The following ANK2 variants were observed in gnomAD, a reference collection of about 807,000 sequenced individuals.
ANK2 encodes ankyrin-2.
ANK2 carries 83 observed loss-of-function variants against 360.5 expected under a neutral mutation model. The observed-to-expected ratio is 0.23, with a 90% confidence interval of 0.19 to 0.28. The LOEUF is 0.28. Among genes scored for constraint, ANK2 ranks in the 10% least tolerant of loss-of-function variants. The pLI, the probability that ANK2 is intolerant of heterozygous loss-of-function variation, is 1.00. For synonymous variants in ANK2, 1,740 were observed against 1,759.5 expected (o/e 0.99, Z 0.28); for missense variants, 4,201 against 4,795.7 (o/e 0.88, Z 3.66).
intron 1 of ANK2, chr4:113,149,217 A>G (rs905193009): frequency 6.6e-6 from 1 of 152,180 alleles, no homozygotes; most frequent in African/African-American, 2.4e-5. Context: ...TGAGATTGTA[A>G]TCAGATTGAG....
chr4:112,731,876 A>T, the ANK2 span, among the ~76,000 whole-genome samples: 1 of 152,222 alleles, frequency 6.6e-6, no homozygotes. Context: ...ATCATTGCAC[A>T]CTACAGCCTT....
At chr4:113,038,617 G>A (rs2062150965) in intron 2 of ANK2, among the ~76,000 whole-genome samples, 1 of 151,922 alleles carries the variant, frequency 6.6e-6, no homozygotes, top group Non-Finnish European at 1.5e-5. Flanking sequence ...ACAAGAGGTG[G>A]CGTCGATTTC....
chr4:113,235,986 C>T (rs966828293), intron 5 of ANK2, among the ~76,000 whole-genome samples: 1 of 151,900 alleles, frequency 6.6e-6, no homozygotes, highest in East Asian at 1.9e-4. Context: ...GATCTGCCCG[C>T]CTCGGCCTCC....
intron 5 of ANK2, among the ~76,000 whole-genome samples, chr4:113,235,753 T>G (rs1239261743): frequency 7.2e-6 from 1 of 139,082 alleles, no homozygotes; most frequent in Non-Finnish European, 1.6e-5. Flanking sequence ...CAGTCTTTCT[T>G]TTTTTTGAGA....
chr4:113,009,976 GC>G (rs746025053), intron 2 of ANK2, among the ~76,000 whole-genome samples: 3 of 147,258 alleles, frequency 2.0e-5, no homozygotes, highest in Non-Finnish European at 4.4e-5. Flanking sequence ...GGTATAATAT[GC>G]CAGCACTTTG....
intron 1 of ANK2, among the ~76,000 whole-genome samples, chr4:113,061,047 A>T (rs1203427870): frequency 6.6e-6 from 1 of 152,124 alleles, no homozygotes; most frequent in East Asian, 1.9e-4. Context: ...AAGAACCAGT[A>T]GGACTGATTG....
the ANK2 span, among the ~76,000 whole-genome samples, chr4:112,739,799 AT>A: frequency 6.6e-6 from 1 of 152,126 alleles, no homozygotes. Context: ...AGAAATAAAT[AT>A]TTAAAGACCA....
intron 26 of ANK2, among the ~76,000 whole-genome samples, chr4:113,321,125 AG>A (rs1466922791): frequency 3.9e-5 from 6 of 152,258 alleles, no homozygotes; most frequent in Non-Finnish European, 7.3e-5. Context: ...CATCAGGCAC[AG>A]TTATATAAAA....
intron 14 of ANK2, among the ~76,000 whole-genome samples, chr4:113,269,132 G>C (rs929740057): frequency 3.3e-5 from 5 of 152,120 alleles, no homozygotes; most frequent in Non-Finnish European, 7.4e-5. Flanking sequence ...CCCCTACCAC[G>C]CTGGAGCCTC....
chr4:113,075,530 A>G (rs2079560963), intron 1 of ANK2, among the ~76,000 whole-genome samples: 1 of 151,970 alleles, frequency 6.6e-6, no homozygotes, highest in Non-Finnish European at 1.5e-5. Context: ...CTCATTGCAC[A>G]CTGGTTTCGG....
At chr4:113,218,515 A>T (rs1440889121) in intron 4 of ANK2, among the ~76,000 whole-genome samples, 1 of 151,944 alleles carries the variant, frequency 6.6e-6, no homozygotes, top group Non-Finnish European at 1.5e-5. Context: ...TTGGAGATTT[A>T]GATTTCCTGG....
rs1203653406 is a variant in ANK2, at chr4:113,021,528, A to ACCCC, written c.21+117017_21+117018insCCCC. Among the ~76,000 whole-genome samples the ACCCC allele has an allele frequency of 5.6e-3, 352 of 63,138 alleles. 4 individuals carry two copies. The highest frequency in any genetic ancestry group is 0.02 in the African/African-American group (316 of 15,686). The allele number at this position is 63,138 out of a possible 152,430, so 41.4% of individuals were successfully genotyped here. A position where few individuals can be genotyped will look rare whatever the true frequency, so the allele number is the denominator to read the frequency against. On this transcript the variant is annotated intron_variant, in intron 2 of 30. Transcript: ENST00000503271. ...ATTATGTGTATATATACACACACAC[A>ACCCC]CCCACACACAAACATATATATATAT...
At chr4:113,059,154 T>C (rs2071762490) in intron 1 of ANK2, among the ~76,000 whole-genome samples, 1 of 152,136 alleles carries the variant, frequency 6.6e-6, no homozygotes, top group Non-Finnish European at 1.5e-5. Flanking sequence ...AGCCATTGCA[T>C]TGGTGATTAG....
chr4:112,775,479 G>A, the ANK2 span, among the ~76,000 whole-genome samples: 1 of 129,650 alleles, frequency 7.7e-6, no homozygotes, highest in Admixed American at 8.0e-5. Context: ...AGATTGGGCC[G>A]CCGCACTCCA....
At chr4:113,380,811 T>C (rs2097146783) in intron 45 of ANK2, among the ~76,000 whole-genome samples, 1 of 152,244 alleles carries the variant, frequency 6.6e-6, no homozygotes, top group Non-Finnish European at 1.5e-5. Context: ...TGTCTCTCAA[T>C]GGCTTTTCTC....
chr4:113,069,783 A>C (rs755088291), intron 1 of ANK2: 7 of 152,170 alleles, frequency 4.6e-5, no homozygotes, highest in Non-Finnish European at 8.8e-5. Context: ...CACAGTTTCT[A>C]TTCAGTCCTC....
At chr4:113,015,572 A>T (rs1016217978) in intron 2 of ANK2, among the ~76,000 whole-genome samples, 1 of 152,214 alleles carries the variant, frequency 6.6e-6, no homozygotes, top group African/African-American at 2.4e-5. Context: ...TACTGCCCTT[A>T]ATTCAACTTA....
chr4:112,772,485 A>G, the ANK2 span, among the ~76,000 whole-genome samples: 5 of 152,156 alleles, frequency 3.3e-5, no homozygotes, highest in African/African-American at 1.2e-4. Flanking sequence ...TTGGAGTAGC[A>G]TATCCTGAAC....
At chr4:113,241,182 C>A (rs1225579835) in intron 8 of ANK2, among the ~76,000 whole-genome samples, 1 of 152,098 alleles carries the variant, frequency 6.6e-6, no homozygotes, top group African/African-American at 2.4e-5. Flanking sequence ...AGGTACATAT[C>A]CTTGCCATAA....
Sources: gnomAD v4.1 joint callset for allele counts (sites outside exome capture counted in the v4.1 genomes callset) on GRCh38, gnomAD v4.1.1 for gene constraint, MANE v1.5 for transcripts, NCBI Gene and HGNC (gene_info 2026-07-23, HGNC 2026-07-21) for gene names.